Variants in NAALADL2 observed in about 807,000 individuals in gnomAD.
The protein encoded by NAALADL2 is inactive N-acetylated-alpha-linked acidic dipeptidase-like protein 2.
A neutral mutation model predicts 87.2 loss-of-function variants in NAALADL2; 76 were observed. The ratio of observed to expected loss-of-function variants is 0.87; its 90% CI spans 0.72 to 1.05. NAALADL2 has a LOEUF of 1.05. NAALADL2 is among the 50% of genes least tolerant of loss of function. The pLI is 0.00. For missense variants in NAALADL2, 1,089 were observed against 945.8 expected (o/e 1.15, Z -1.99); for synonymous variants, 354 against 331.0 (o/e 1.07, Z -0.75).
intron 1 of NAALADL2, among the ~76,000 whole-genome samples, chr3:174,877,314 A>C (rs1489686277): frequency 1.3e-5 from 2 of 152,138 alleles, no homozygotes; most frequent in Non-Finnish European, 2.9e-5. Flanking sequence ...TGGTTAACAA[A>C]CTTATGAAGC....
chr3:174,759,229 C>T (rs541735653), intron 3 of NAALADL2, among the ~76,000 whole-genome samples: 2 of 152,230 alleles, frequency 1.3e-5, no homozygotes, highest in South Asian at 4.1e-4. Flanking sequence ...TGTTAATTTG[C>T]ATTCAGATAC....
At chr3:175,179,793 ATTAC>A (rs1268491318) in intron 2 of NAALADL2, among the ~76,000 whole-genome samples, 2 of 151,908 alleles carry the variant, frequency 1.3e-5, no homozygotes, top group African/African-American at 4.8e-5. Context: ...TTGCATTTCA[ATTAC>A]TTTATCAGCT....
Position 175,739,104 on chromosome 3 carries a change from TGAAAAGA to T in NAALADL2, c.1990+1706_1990+1712del, listed in dbSNP as rs1225264168. On this transcript the variant is annotated intron_variant, in intron 12 of 13. Coordinates refer to ENST00000454872, the MANE Select transcript of NAALADL2 (RefSeq NM_207015.3). ...ATCTAAAAGCAATAACTATCATGCA[TGAAAAGA>T]AGCCCCAAAGAGTATACTGCAAAAT... Among the ~76,000 whole-genome samples, 227 of 152,264 alleles carry T rather than the reference TGAAAAGA, an allele frequency of 1.5e-3. 1 individual carries two copies. Among genetic ancestry groups the T allele is most frequent in the African/African-American group, 5.2e-3 (217 of 41,560 alleles).
chr3:175,468,341 A>G (rs1724398361), intron 8 of NAALADL2, among the ~76,000 whole-genome samples: 1 of 152,098 alleles, frequency 6.6e-6, no homozygotes, highest in South Asian at 2.1e-4. Flanking sequence ...TCCATTGCTT[A>G]AAGAATCTTT....
chr3:174,967,926 C>T (rs1215832202), intron 1 of NAALADL2, among the ~76,000 whole-genome samples: 1 of 152,178 alleles, frequency 6.6e-6, no homozygotes, highest in Non-Finnish European at 1.5e-5. Flanking sequence ...GAAACAATTA[C>T]CCATCTTTAG....
At chr3:175,583,561 T>C (rs9819734) in intron 10 of NAALADL2, among the ~76,000 whole-genome samples, 19,460 of 150,982 alleles carry the variant, frequency 0.13, 3,296 homozygotes, top group African/African-American at 0.39. Flanking sequence ...TTGATAGTAA[T>C]CTGGATGCAT....
At chr3:175,377,568 CA>C (rs1400432605) in intron 5 of NAALADL2, among the ~76,000 whole-genome samples, 1 of 152,148 alleles carries the variant, frequency 6.6e-6, no homozygotes, top group Non-Finnish European at 1.5e-5. Context: ...TCTAGGCAGA[CA>C]GGGGCCAGTC....
chr3:175,080,549 G>A (rs1474012877), intron 1 of NAALADL2, among the ~76,000 whole-genome samples: 1 of 152,184 alleles, frequency 6.6e-6, no homozygotes, highest in Admixed American at 6.5e-5. Context: ...TATCGAAGCA[G>A]AATTGCAGCT....
chr3:175,567,594 T>A (rs1197171702), intron 9 of NAALADL2, among the ~76,000 whole-genome samples: 1 of 152,180 alleles, frequency 6.6e-6, no homozygotes, highest in Non-Finnish European at 1.5e-5. Context: ...TAGCAATTTT[T>A]CACTAAAGCT....
At chr3:175,064,466 G>T (rs1378918398) in intron 1 of NAALADL2, among the ~76,000 whole-genome samples, 1 of 152,116 alleles carries the variant, frequency 6.6e-6, no homozygotes, top group Non-Finnish European at 1.5e-5. Context: ...TGGCATCCAG[G>T]GCGCCTTAAC....
intron 4 of NAALADL2, among the ~76,000 whole-genome samples, chr3:175,270,724 G>A (rs181442018): frequency 1.0e-3 from 152 of 152,274 alleles, no homozygotes; most frequent in Non-Finnish European, 1.8e-3. Context: ...GGCAAAGGTT[G>A]ACAGATATGT....
At chr3:175,355,290 C>A (rs1182825001) in intron 5 of NAALADL2, among the ~76,000 whole-genome samples, 1 of 151,962 alleles carries the variant, frequency 6.6e-6, no homozygotes, top group Non-Finnish European at 1.5e-5. Flanking sequence ...TGGTCTCGAA[C>A]TCCTGACATC....
At chr3:175,181,725 ATG>A (rs1455683068) in intron 2 of NAALADL2, among the ~76,000 whole-genome samples, 1 of 61,756 alleles carries the variant, frequency 1.6e-5, no homozygotes, top group Non-Finnish European at 3.5e-5. Context: ...GTGTATATAT[ATG>A]TATATATGTG....
chr3:174,572,805 T>A (rs1306296353), intron 2 of NAALADL2, among the ~76,000 whole-genome samples: 1 of 152,230 alleles, frequency 6.6e-6, no homozygotes, highest in Non-Finnish European at 1.5e-5. Context: ...CAAGTCCATA[T>A]TCAAATAATA....
intron 2 of NAALADL2, among the ~76,000 whole-genome samples, chr3:174,697,265 C>G (rs1268079847): frequency 1.3e-5 from 2 of 152,100 alleles, no homozygotes; most frequent in East Asian, 1.9e-4. Context: ...ATGATATTTT[C>G]TTAGAAAGAT....
intron 5 of NAALADL2, among the ~76,000 whole-genome samples, chr3:175,413,434 G>C (rs940765087): frequency 6.6e-6 from 1 of 151,452 alleles, no homozygotes; most frequent in Non-Finnish European, 1.5e-5. Flanking sequence ...GGCCGGGCAT[G>C]GTAGCGTCAC....
At chr3:174,832,032 A>T (rs1326181326) in intron 3 of NAALADL2, among the ~76,000 whole-genome samples, 1 of 151,380 alleles carries the variant, frequency 6.6e-6, no homozygotes, top group Non-Finnish European at 1.5e-5. Flanking sequence ...GCGGTCTATC[A>T]ATTTTGTTGA....
At chr3:175,399,686 C>T (rs954392097) in intron 5 of NAALADL2, among the ~76,000 whole-genome samples, 1 of 152,092 alleles carries the variant, frequency 6.6e-6, no homozygotes, top group East Asian at 1.9e-4. Flanking sequence ...CCTGTTTTGT[C>T]AGCAAGGTCT....
At chr3:174,907,918 T>C (rs1733161345) in intron 1 of NAALADL2, among the ~76,000 whole-genome samples, 1 of 152,082 alleles carries the variant, frequency 6.6e-6, no homozygotes. Flanking sequence ...GAATGAAGAT[T>C]TAACAACATA....
Sources: allele counts gnomAD v4.1 joint callset (sites outside exome capture counted in the v4.1 genomes callset), GRCh38; gene constraint gnomAD v4.1.1; transcripts MANE v1.5; gene names NCBI Gene and HGNC (gene_info 2026-07-23, HGNC 2026-07-21).